GSN: variants seen among roughly 807,000 people sequenced by gnomAD.
The protein encoded by GSN is gelsolin.
A neutral mutation model predicts 85.7 loss-of-function variants in GSN; 56 were observed. That is an observed-to-expected ratio of 0.65 (90% CI 0.53 to 0.82). The LOEUF is 0.82. Ranked by LOEUF, GSN falls within the 40% of genes least tolerant of loss-of-function variation. GSN has a pLI of 0.00. For synonymous variants in GSN, 373 were observed against 399.1 expected, an observed-to-expected ratio of 0.93 and a Z score of 0.78; for missense variants, 857 against 979.8, an observed-to-expected ratio of 0.87 and a Z score of 1.67.
Position 121,324,056 on chromosome 9 carries a change from A to T in GSN, c.1326-498A>T, listed in dbSNP as rs115853408. Among the ~76,000 whole-genome samples the T allele has an allele frequency of 6.5e-3, 995 of 152,364 alleles. 17 individuals are homozygous for T. Among genetic ancestry groups the T allele is most frequent in the African/African-American group, 0.023 (940 of 41,584 alleles). ...TGGGATAGAAAGGCAAAATCCCCCT[A>T]AATCTTCCCTCTAAGAGCAATCACC... On this transcript the variant is annotated intron_variant, in intron 11 of 17. Transcript: ENST00000432226.
In GSN at chr9:121,332,231, G is replaced by C. The variant is rs1458697656; in HGVS notation, c.2027-203G>C. ...TTAAGCCGTAGCCCTGTTCCTTCCT[G>C]TGTTCCTGAGCAGGGTGGTGGAGAG... is the stretch of plus-strand genomic sequence containing the variant. On this transcript the variant is annotated intron_variant, in intron 17 of 17. Coordinates refer to ENST00000432226, the MANE Select transcript of GSN (RefSeq NM_198252.3). This position sits in a 1 kb window ranked among gnomAD's most constrained non-coding sequence, Gnocchi z 4.8. Among the ~76,000 whole-genome samples the C allele has an allele frequency of 6.6e-6, 1 of 152,148 alleles. No homozygotes were observed. The highest frequency in any genetic ancestry group is 1.5e-5 in the Non-Finnish European group (1 of 68,022).
chr9:121,303,701 A>G (rs1225159556), intron 4 of GSN, among the ~76,000 whole-genome samples: 1 of 152,160 alleles, frequency 6.6e-6, no homozygotes, highest in Admixed American at 6.5e-5. Context: ...CCTGAGAGCC[A>G]GTTGTACCTG....
intron 12 of GSN, 122 bp downstream of exon 12, chr9:121,324,766 C>T (rs2062949691): frequency 3.0e-6 from 2 of 672,914 alleles, no homozygotes; most frequent in African/African-American, 3.5e-5. Context: ...TCCATCCATC[C>T]ATCCATCCAT....
chr9:121,214,229 CCTT>C (rs796513613), intron 4 of GSN, among the ~76,000 whole-genome samples: 9 of 151,312 alleles, frequency 5.9e-5, no homozygotes, highest in African/African-American at 1.5e-4. Context: ...CTTCTTTCTT[CCTT>C]CTTTCTCCTT....
intron 4 of GSN, among the ~76,000 whole-genome samples, chr9:121,304,663 A>G (rs2060221948): frequency 6.6e-6 from 1 of 152,216 alleles, no homozygotes; most frequent in South Asian, 2.1e-4. Flanking sequence ...TTGCTACACT[A>G]TGGCAGATAT....
At chr9:121,275,207 C>T (rs1288110413) in intron 1 of GSN, among the ~76,000 whole-genome samples, 4 of 152,182 alleles carry the variant, frequency 2.6e-5, no homozygotes, top group Non-Finnish European at 5.9e-5. Flanking sequence ...AAGTTAAGAT[C>T]CCAGGCCGAA....
intron 6 of GSN, among the ~76,000 whole-genome samples, chr9:121,255,983 G>A (rs2054949334): frequency 6.6e-6 from 1 of 151,980 alleles, no homozygotes; most frequent in Non-Finnish European, 1.5e-5. Context: ...ATCCTTCTGG[G>A]GTCATGAGGG....
At chr9:121,265,473 A>G (rs2055178416), upstream of GSN, among the ~76,000 whole-genome samples, 1 of 152,188 alleles carries the variant, frequency 6.6e-6, no homozygotes, top group Non-Finnish European at 1.5e-5. Context: ...CCAAATTCTA[A>G]TAGTCCAGCT....
At chr9:121,325,212 A>G (rs1401185625) in intron 12 of GSN, among the ~76,000 whole-genome samples, 1 of 152,248 alleles carries the variant, frequency 6.6e-6, no homozygotes, top group Non-Finnish European at 1.5e-5. Context: ...GCCCCCTTAT[A>G]CATATGTGTT....
intron 6 of GSN, among the ~76,000 whole-genome samples, chr9:121,251,811 A>C (rs958090837): frequency 6.6e-5 from 10 of 151,980 alleles, no homozygotes; most frequent in African/African-American, 2.4e-4. Flanking sequence ...ATACAAAAAA[A>C]TTAGCCGGGT....
intron 1 of GSN, among the ~76,000 whole-genome samples, chr9:121,269,803 G>A (rs1449444710): frequency 1.3e-5 from 2 of 152,184 alleles, no homozygotes; most frequent in Non-Finnish European, 2.9e-5. Context: ...ACTAACATGA[G>A]CCTGGAAACA....
At chr9:121,284,271 G>T (rs1270222799) in intron 2 of GSN, 1 of 167,106 alleles carries the variant, frequency 6.0e-6, no homozygotes, top group African/African-American at 2.4e-5. Context: ...GCAATTTTTG[G>T]TTCTTCCACA....
At chr9:121,205,520 G>A (rs2053868148), upstream of GSN, among the ~76,000 whole-genome samples, 1 of 152,210 alleles carries the variant, frequency 6.6e-6, no homozygotes, top group African/African-American at 2.4e-5. Flanking sequence ...TTTGGATGGT[G>A]TGGGGAGAAC....
intron 1 of GSN, among the ~76,000 whole-genome samples, chr9:121,275,121 A>G (rs905380402): frequency 6.6e-6 from 1 of 152,186 alleles, no homozygotes; most frequent in Non-Finnish European, 1.5e-5. Flanking sequence ...TACAGCGACC[A>G]TTTTCCTGAA....
At chr9:121,301,000 T>A (rs892234481) in intron 2 of GSN, among the ~76,000 whole-genome samples, 2 of 152,192 alleles carry the variant, frequency 1.3e-5, no homozygotes, top group Admixed American at 6.5e-5. Context: ...ATCTTTCCAC[T>A]TCCAAAGAGC....
intron 4 of GSN, among the ~76,000 whole-genome samples, chr9:121,229,805 A>T (rs1311128256): frequency 2.6e-5 from 4 of 152,212 alleles, no homozygotes; most frequent in African/African-American, 9.7e-5. Flanking sequence ...GACTATGTGG[A>T]TCCAACAACT....
intron 4 of GSN, among the ~76,000 whole-genome samples, chr9:121,223,646 C>A (rs1297840480): frequency 6.6e-6 from 1 of 151,702 alleles, no homozygotes; most frequent in Admixed American, 6.6e-5. Flanking sequence ...TTATAACGTA[C>A]TTTATAAGTA....
chr9:121,327,846 C>T (rs117569857), intron 14 of GSN, among the ~76,000 whole-genome samples: 4,146 of 152,168 alleles, frequency 0.027, 82 homozygotes, highest in Middle Eastern at 0.054. Flanking sequence ...GTGGCACATG[C>T]CTGTATAATC....
rs16910509 is a variant in GSN, at chr9:121,321,193, C to T, written c.1192-75C>T. 0.12 allele frequency: 184,205 copies of T among 1,527,412 alleles called. 12,151 individuals are homozygous for T. The highest frequency in any genetic ancestry group is 0.14 in the Non-Finnish European group (152,382 of 1,107,742). 94.6% of individuals were successfully genotyped at this position (1,527,412 alleles called of 1,614,324 possible). A position where few individuals can be genotyped will look rare whatever the true frequency, so the allele number is the denominator to read the frequency against. ...CATGGCCTAACCACAACCTACCACA[C>T]TGCGGTTTCCTGGCTTGCCTGAGCT... On this transcript the variant is annotated intron_variant, in intron 10 of 17. Transcript: ENST00000432226.
Sources: gnomAD v4.1 joint callset for allele counts (sites outside exome capture counted in the v4.1 genomes callset) on GRCh38, gnomAD v4.1.1 for gene constraint, Gnocchi (gnomAD v3.1) non-coding constraint, MANE v1.5 for transcripts, NCBI Gene and HGNC (gene_info 2026-07-23, HGNC 2026-07-21) for gene names.